Variants in PUDP observed in about 807,000 individuals in gnomAD.
PUDP encodes the protein pseudouridine 5'-phosphatase.
In PUDP, 8 loss-of-function variants were observed where a neutral mutation model predicts 9.4. That is an observed-to-expected ratio of 0.85 (90% CI 0.50 to 1.53). The LOEUF (loss-of-function observed/expected upper bound fraction) is 1.53. Ranked by LOEUF, PUDP falls within the 40% of genes most tolerant of loss-of-function variation. The pLI is 0.00. For missense variants in PUDP, 188 were observed against 189.7 expected (o/e 0.99, Z 0.05); for synonymous variants, 99 against 80.7 (o/e 1.23, Z -1.22).
intron 3 of PUDP, among the ~76,000 whole-genome samples, chrX:6,800,411 C>A (rs769346274): frequency 2.7e-5 from 3 of 111,874 alleles, no homozygotes; most frequent in East Asian, 5.6e-4. Flanking sequence ...ACCAACAGTT[C>A]TTAATATTAG....
chrX:6,748,223 A>G (rs1234258664), intron 3 of PUDP, among the ~76,000 whole-genome samples: 3 of 112,008 alleles, frequency 2.7e-5, no homozygotes, highest in African/African-American at 9.7e-5. Flanking sequence ...CACCTGTACC[A>G]GATCCATTTT....
chrX:6,864,216 T>A (rs913612507), intron 3 of PUDP, among the ~76,000 whole-genome samples: 2 of 112,157 alleles, frequency 1.8e-5, no homozygotes, highest in Non-Finnish European at 3.8e-5. Flanking sequence ...GCTACATCTC[T>A]CCTACTCGTA....
At chrX:7,142,329 T>A (rs1216200120) in intron 1 of PUDP, among the ~76,000 whole-genome samples, 1 of 112,026 alleles carries the variant, frequency 8.9e-6, no homozygotes, top group African/African-American at 3.2e-5. Context: ...TTGATTCCAA[T>A]CCTCATGGAT....
chrX:6,886,960 C>A (rs1170151533), intron 3 of PUDP, among the ~76,000 whole-genome samples: 1 of 106,906 alleles, frequency 9.4e-6, no homozygotes, highest in Non-Finnish European at 1.9e-5. Flanking sequence ...AAAGGATAGT[C>A]AAAGAAACAT....
intron 1 of PUDP, among the ~76,000 whole-genome samples, chrX:6,981,238 T>C (rs1339719480): frequency 8.9e-6 from 1 of 112,006 alleles, no homozygotes; most frequent in Admixed American, 9.5e-5. Flanking sequence ...GAAACAAGAT[T>C]GGTCAGCAGT....
chrX:6,810,379 A>G (rs1426772437), intron 3 of PUDP, among the ~76,000 whole-genome samples: 1 of 111,730 alleles, frequency 9.0e-6, no homozygotes, highest in African/African-American at 3.3e-5. Flanking sequence ...CCGGGCTATG[A>G]CATGAAACAG....
In PUDP at chrX:7,111,510, G is replaced by T. The variant is rs1333818114; in HGVS notation, c.62-5672C>A. 1.6e-4 allele frequency among the ~76,000 whole-genome samples: 17 copies of T among 108,132 alleles called. No individual in the cohort carries two copies. In the Admixed American group the frequency reaches 1.7e-3, roughly 11 times the overall value. The allele number at this position is 108,132 out of a possible 115,157, so 93.9% of individuals were successfully genotyped here. A position where few individuals can be genotyped will look rare whatever the true frequency, so the allele number is the denominator to read the frequency against. ...CTTAAAGCTGGGGGTGGGGTGGGGC[G>T]GGGGGAGATGCTTTAGGTGTGGGAG... On this transcript the variant is annotated intron_variant, in intron 1 of 3. Coordinates refer to ENST00000381077, the MANE Select transcript of PUDP (RefSeq NM_012080.5).
intron 3 of PUDP, among the ~76,000 whole-genome samples, chrX:6,920,781 G>A (rs997953673): frequency 1.8e-5 from 2 of 111,658 alleles, no homozygotes; most frequent in Non-Finnish European, 3.8e-5. Context: ...TTGGGCACAC[G>A]TCGTCAGGAC....
Position 7,074,790 on chromosome X carries a change from G to T in PUDP, c.510+2430C>A, listed in dbSNP as rs368549313. ...TTTGTAACAGGGTGCCAAGCATGCAGACATACACATGTCCAGACATAAGAA... is the reference window on the plus strand; with the variant it reads ...TTTGTAACAGGGTGCCAAGCATGCATACATACACATGTCCAGACATAAGAA... On this transcript the variant is annotated intron_variant, in intron 3 of 3. Coordinates refer to ENST00000381077, the MANE Select transcript of PUDP (RefSeq NM_012080.5). Among the ~76,000 whole-genome samples the T allele has an allele frequency of 8.0e-5, 9 of 112,439 alleles. No homozygotes were observed. The East Asian group carries it at 2.2e-3, about 28-fold the overall frequency.
At chrX:7,122,215 ATGTGTG>A (rs62871862) in intron 1 of PUDP, among the ~76,000 whole-genome samples, 8,474 of 99,803 alleles carry the variant, frequency 0.085, 323 homozygotes, top group Middle Eastern at 0.13. Flanking sequence ...AAACCCATAT[ATGTGTG>A]TGTGTGTGTG....
intron 3 of PUDP, among the ~76,000 whole-genome samples, chrX:6,888,287 T>A (rs1316708625): frequency 9.1e-6 from 1 of 110,123 alleles, no homozygotes; most frequent in African/African-American, 3.3e-5. Context: ...CAGCATTAAA[T>A]CTCATTTAAG....
chrX:6,947,222 G>GA lies in PUDP; in HGVS notation c.*247+29910dup, dbSNP rs777275817. Reference sequence around the variant, plus strand: ...TCACCATGTTGGCCAGGCTAGTCTTGAACTCCTGACCTCAAGTGGAACTCA... The same window carrying GA: ...TCACCATGTTGGCCAGGCTAGTCTTGAAACTCCTGACCTCAAGTGGAACTCA... On this transcript the variant is annotated intron_variant and NMD_transcript_variant, in intron 3 of 3. Coordinates refer to the PUDP transcript ENST00000655425. 3.3e-3 allele frequency among the ~76,000 whole-genome samples: 366 copies of GA among 110,222 alleles called. 5 individuals are homozygous for GA. In the Middle Eastern group the frequency reaches 0.056, roughly 17 times the overall value.
intron 3 of PUDP, among the ~76,000 whole-genome samples, chrX:6,815,331 A>C (rs1391186831): frequency 9.0e-6 from 1 of 111,618 alleles, no homozygotes; most frequent in Non-Finnish European, 1.9e-5. Flanking sequence ...AAGCATACAT[A>C]ATAAAGAAAA....
At chrX:7,057,360 C>T (rs2890057) in intron 3 of PUDP, among the ~76,000 whole-genome samples, 11,775 of 109,720 alleles carry the variant, frequency 0.11, 639 homozygotes, top group Middle Eastern at 0.19. Context: ...AGGGAGCCAG[C>T]GTGGTCTCTG....
At chrX:7,130,664 A>AG (rs1206983920) in intron 1 of PUDP, among the ~76,000 whole-genome samples, 2 of 110,265 alleles carry the variant, frequency 1.8e-5, no homozygotes, top group Admixed American at 1.9e-4. Context: ...AAATACAAAA[A>AG]TTAGCCGGGT....
At chrX:6,855,176 T>A (rs1768272080) in intron 3 of PUDP, among the ~76,000 whole-genome samples, 1 of 109,992 alleles carries the variant, frequency 9.1e-6, no homozygotes, top group South Asian at 4.2e-4. Flanking sequence ...TTTATGATGA[T>A]CCACTTCCAC....
chrX:7,001,877 G>A (rs1052782474), intron 1 of PUDP, among the ~76,000 whole-genome samples: 1 of 111,249 alleles, frequency 9.0e-6, no homozygotes, highest in Admixed American at 9.6e-5. Flanking sequence ...GACAATTTAG[G>A]GGACAATCTC....
chrX:7,147,183 G>C, intron 1 of PUDP, among the ~76,000 whole-genome samples: 1 of 110,832 alleles, frequency 9.0e-6, no homozygotes, highest in Middle Eastern at 4.6e-3. Context: ...TGATAGAGCA[G>C]CTGTTCTCAA....
intron 3 of PUDP, among the ~76,000 whole-genome samples, chrX:6,858,294 C>G (rs1440890188): frequency 9.3e-6 from 1 of 107,955 alleles, no homozygotes; most frequent in Non-Finnish European, 1.9e-5. Flanking sequence ...CCGGATCTTG[C>G]CCTATGTGCA....
Sources: allele counts gnomAD v4.1 joint callset (sites outside exome capture counted in the v4.1 genomes callset), GRCh38; gene constraint gnomAD v4.1.1; transcripts MANE v1.5; gene names NCBI Gene and HGNC (gene_info 2026-07-23, HGNC 2026-07-21).